SLC24A4: variants seen among roughly 807,000 people sequenced by gnomAD.
SLC24A4 encodes the protein sodium/potassium/calcium exchanger 4.
A neutral mutation model predicts 79.0 loss-of-function variants in SLC24A4; 53 were observed. That is an observed-to-expected ratio of 0.67 (90% confidence interval 0.54 to 0.84). The LOEUF (loss-of-function observed/expected upper bound fraction) is 0.84, where lower values mean the gene tolerates loss of function less well. Ranked by LOEUF, SLC24A4 falls within the 40% of genes least tolerant of loss-of-function variation. The pLI is 0.00. For synonymous variants in SLC24A4, 323 were observed against 323.8 expected, an observed-to-expected ratio of 1.00 and a Z score of 0.03; for missense variants, 731 against 822.0, an observed-to-expected ratio of 0.89 and a Z score of 1.35.
At chr14:92,383,373 T>C (rs1888963003) in intron 2 of SLC24A4, among the ~76,000 whole-genome samples, 1 of 152,024 alleles carries the variant, frequency 6.6e-6, no homozygotes, top group African/African-American at 2.4e-5. Context: ...ACACAAGCGC[T>C]CACAGATGGA....
At chr14:92,334,354 C>A (rs1446171590) in intron 2 of SLC24A4, among the ~76,000 whole-genome samples, 1 of 152,148 alleles carries the variant, frequency 6.6e-6, no homozygotes, top group Non-Finnish European at 1.5e-5. Context: ...CATAGGCTGG[C>A]ACAGCCACCA....
intron 2 of SLC24A4, among the ~76,000 whole-genome samples, chr14:92,342,684 C>T (rs895641599): frequency 5.3e-5 from 8 of 152,266 alleles, no homozygotes; most frequent in Admixed American, 6.5e-5. Context: ...ATGCCCTGCC[C>T]GGAGGTAATG....
chr14:92,374,042 A>G (rs577182127), intron 2 of SLC24A4, among the ~76,000 whole-genome samples: 3 of 152,352 alleles, frequency 2.0e-5, no homozygotes, highest in East Asian at 1.9e-4. Context: ...TATAACCACC[A>G]TATTGCATAC....
intron 2 of SLC24A4, among the ~76,000 whole-genome samples, chr14:92,368,318 G>A (rs1287151455): frequency 5.3e-5 from 8 of 152,138 alleles, no homozygotes; most frequent in Non-Finnish European, 7.3e-5. Flanking sequence ...CCCTTCACTG[G>A]GTTTATAAGA....
intron 2 of SLC24A4, among the ~76,000 whole-genome samples, chr14:92,372,348 C>T (rs1433940769): frequency 6.6e-6 from 1 of 152,150 alleles, no homozygotes; most frequent in Non-Finnish European, 1.5e-5. Flanking sequence ...GAGTCCATGG[C>T]GTGGCCAGCT....
chr14:92,324,110 C>G, intron 1 of SLC24A4, 150 bp downstream of exon 1: 1 of 1,149,210 alleles, frequency 8.7e-7, no homozygotes. Context: ...AGGTAGAGCG[C>G]GCCCAGAAGA....
chr14:92,444,971 A>T (rs933240604), intron 7 of SLC24A4, among the ~76,000 whole-genome samples: 6 of 138,746 alleles, frequency 4.3e-5, no homozygotes, highest in African/African-American at 1.6e-4. Context: ...ACACACACAC[A>T]CTTAGCTATC....
At chr14:92,351,898 A>AAAGG in intron 2 of SLC24A4, among the ~76,000 whole-genome samples, 1 of 140,234 alleles carries the variant, frequency 7.1e-6, no homozygotes, top group East Asian at 2.2e-4. Flanking sequence ...GGAAGGAAGG[A>AAAGG]AAGGAAGGAA....
chr14:92,475,471 GGGT>G (rs1356980210), intron 12 of SLC24A4, among the ~76,000 whole-genome samples: 3 of 152,182 alleles, frequency 2.0e-5, no homozygotes, highest in Non-Finnish European at 4.4e-5. Context: ...GTAAGGCTAT[GGGT>G]CAACTTGGGT....
At chr14:92,392,915 A>G (rs1003077094) in intron 2 of SLC24A4, among the ~76,000 whole-genome samples, 1 of 151,932 alleles carries the variant, frequency 6.6e-6, no homozygotes, top group Non-Finnish European at 1.5e-5. Context: ...GGCATCATCT[A>G]TGAGGAACAT....
chr14:92,484,516 A>G, intron 13 of SLC24A4: 1 of 985,392 alleles, frequency 1.0e-6, no homozygotes. Flanking sequence ...TCTGTATCCC[A>G]AAAAGAAGCT....
Position 92,343,640 on chromosome 14 carries a change from CT to C in SLC24A4, c.241+17663del, listed in dbSNP as rs1886322807. On this transcript the variant is annotated intron_variant, in intron 2 of 16. Coordinates refer to ENST00000532405, the MANE Select transcript of SLC24A4 (RefSeq NM_153646.4). ...TCTTTCTTTCTTTCTTTCTTTCTTTCTCTCTTTCCTTCTTTCCTTCCTTCCT... is the reference window on the plus strand; with the variant it reads ...TCTTTCTTTCTTTCTTTCTTTCTTTCCTCTTTCCTTCTTTCCTTCCTTCCT... Among the ~76,000 whole-genome samples, 107 of 95,054 alleles carry C rather than the reference CT, an allele frequency of 1.1e-3. 1 individual carries two copies. The highest frequency in any genetic ancestry group is 2.9e-3 in the South Asian group (8 of 2,736). 62.4% of individuals were successfully genotyped at this position (95,054 alleles called of 152,430 possible).
intron 2 of SLC24A4, among the ~76,000 whole-genome samples, chr14:92,335,223 C>T (rs967458322): frequency 6.6e-6 from 1 of 152,120 alleles, no homozygotes; most frequent in Non-Finnish European, 1.5e-5. Flanking sequence ...ATTATTGATA[C>T]TTTGTATTAG....
chr14:92,439,020 G>A (rs190805435), intron 3 of SLC24A4, among the ~76,000 whole-genome samples: 10 of 152,288 alleles, frequency 6.6e-5, no homozygotes, highest in Non-Finnish European at 1.0e-4. Flanking sequence ...GGGGGGTTTC[G>A]AGAATTGTGT....
intron 2 of SLC24A4, chr14:92,408,240 GA>G: frequency 5.0e-6 from 1 of 201,378 alleles, no homozygotes; most frequent in Non-Finnish European, 8.8e-6. Flanking sequence ...GGATAGAAGG[GA>G]AAAAAGGGGA....
At chr14:92,482,023 G>A (rs1227649096) in intron 12 of SLC24A4, among the ~76,000 whole-genome samples, 2 of 152,196 alleles carry the variant, frequency 1.3e-5, no homozygotes, top group Non-Finnish European at 2.9e-5. Flanking sequence ...CACACATTTA[G>A]TCTTGCACCA....
Position 92,453,939 on chromosome 14 carries a change from T to C in SLC24A4, c.920T>C (p.Met307Thr), listed in dbSNP as rs1423708858. 10 of 1,613,456 alleles carry C rather than the reference T, an allele frequency of 6.2e-6. No individual in the cohort carries two copies. The highest frequency in any genetic ancestry group is 8.5e-6 in the Non-Finnish European group (10 of 1,179,706). Reference sequence around the variant, plus strand: ...CAGTATGGCAAGAACCCCGTGGTGATGGTGGACGAGATTATGAGCTCCAGC... The same window carrying C: ...CAGTATGGCAAGAACCCCGTGGTGACGGTGGACGAGATTATGAGCTCCAGC... ...KPQYGKNPVV[M>T]VDEIMSSSPP... is the part of the protein sequence containing the mutation. The change falls in exon 11 of 17, where the codon ATG (methionine) becomes ACG (threonine). Residue 307 changes from methionine (M) to threonine (T), a missense_variant. Coordinates refer to ENST00000532405, the MANE Select transcript of SLC24A4 (RefSeq NM_153646.4).
rs1491176639 is a variant in SLC24A4 at position 92,474,864 on chromosome 14, T to TATATATATATATA, written c.1256-7816_1256-7815insATATATATATATA. ...GTGTGTATATATATATATATATATA[T>TATATATATATATA]TTTTTTTTTTTTTAGTAGACACAGG... On this transcript the variant is annotated intron_variant, in intron 12 of 16. Coordinates refer to ENST00000532405, the MANE Select transcript of SLC24A4 (RefSeq NM_153646.4). Among the ~76,000 whole-genome samples the TATATATATATATA allele has an allele frequency of 5.2e-3, 203 of 38,850 alleles. 4 individuals are homozygous for TATATATATATATA. The highest frequency in any genetic ancestry group is 0.012 in the African/African-American group (105 of 8,906). 25.5% of individuals were successfully genotyped at this position (38,850 alleles called of 152,430 possible).
chr14:92,371,080 T>TA (rs1888125563), intron 2 of SLC24A4, among the ~76,000 whole-genome samples: 1 of 152,108 alleles, frequency 6.6e-6, no homozygotes, highest in African/African-American at 2.4e-5. Context: ...TTCCTTCTAA[T>TA]AAAAAGCAGC....
Sources: allele counts gnomAD v4.1 joint callset (sites outside exome capture counted in the v4.1 genomes callset), GRCh38; gene constraint gnomAD v4.1.1; transcripts MANE v1.5; gene names NCBI Gene and HGNC (gene_info 2026-07-23, HGNC 2026-07-21).